Variants in ARK2N observed in about 807,000 individuals in gnomAD.
ARK2N encodes arkadia (RNF111) N-terminal like PKA signaling regulator 2N, also known as protein ARK2N.
the ARK2N span, among the ~76,000 whole-genome samples, chr18:46,247,400 C>T: frequency 6.6e-6 from 1 of 151,982 alleles, no homozygotes; most frequent in Non-Finnish European, 1.5e-5. Flanking sequence ...TAAATTAGAA[C>T]GATGGTTATA....
the ARK2N span, among the ~76,000 whole-genome samples, chr18:46,247,610 C>G: frequency 6.6e-6 from 1 of 152,188 alleles, no homozygotes; most frequent in Non-Finnish European, 1.5e-5. Flanking sequence ...ACAGGCTGAA[C>G]CCCTTACTGT....
At chr18:46,175,239 G>A in the ARK2N span, among the ~76,000 whole-genome samples, 3 of 150,586 alleles carry the variant, frequency 2.0e-5, no homozygotes, top group African/African-American at 7.3e-5. Context: ...TGGGTTTTTC[G>A]TTTTTTGCCT....
chr18:46,186,947 C>G, the ARK2N span, among the ~76,000 whole-genome samples: 1 of 151,622 alleles, frequency 6.6e-6, no homozygotes, highest in Non-Finnish European at 1.5e-5. Flanking sequence ...CTCTGCCTCC[C>G]GGATTCAAGT....
At chr18:46,177,915 T>A in the ARK2N span, among the ~76,000 whole-genome samples, 1 of 152,088 alleles carries the variant, frequency 6.6e-6, no homozygotes, top group African/African-American at 2.4e-5. Context: ...AAAATAATAA[T>A]TCATATGGAG....
At chr18:46,266,795 AT>A in the ARK2N span, 1 of 152,636 alleles carries the variant, frequency 6.6e-6, no homozygotes, top group African/African-American at 2.4e-5. Context: ...TTAAAACAAA[AT>A]TTGGTTCTTT....
chr18:46,239,803 C>A, the ARK2N span, among the ~76,000 whole-genome samples: 2 of 152,088 alleles, frequency 1.3e-5, no homozygotes, highest in Admixed American at 6.6e-5. Context: ...TTTCCTCCTT[C>A]CAAAATGTGT....
At chr18:46,228,974 G>C in the ARK2N span, 1 of 390,736 alleles carries the variant, frequency 2.6e-6, no homozygotes, top group East Asian at 3.7e-5. Flanking sequence ...AAAATTTTGA[G>C]GAAAGGAAGA....
At chr18:46,189,465 AT>A in the ARK2N span, among the ~76,000 whole-genome samples, 1 of 152,126 alleles carries the variant, frequency 6.6e-6, no homozygotes, top group Non-Finnish European at 1.5e-5. Flanking sequence ...TTTAAAAAAA[AT>A]TATTTAAAGA....
At chr18:46,253,003 G>T in the ARK2N span, among the ~76,000 whole-genome samples, 3 of 152,172 alleles carry the variant, frequency 2.0e-5, no homozygotes, top group African/African-American at 7.2e-5. Flanking sequence ...TTTCCAGAGT[G>T]TGTGGTTTGT....
At chr18:46,224,688 A>G in the ARK2N span, among the ~76,000 whole-genome samples, 1 of 152,266 alleles carries the variant, frequency 6.6e-6, no homozygotes, top group African/African-American at 2.4e-5. Flanking sequence ...CAGTCTGTGT[A>G]GTAACAGAAT....
the ARK2N span, among the ~76,000 whole-genome samples, chr18:46,176,457 CTTT>C: frequency 7.5e-6 from 1 of 133,412 alleles, no homozygotes; most frequent in African/African-American, 2.8e-5. Flanking sequence ...TGTGTGTGTG[CTTT>C]TTTTTTTTTT....
chr18:46,214,831 C>T, the ARK2N span, among the ~76,000 whole-genome samples: 2 of 152,272 alleles, frequency 1.3e-5, no homozygotes, highest in Middle Eastern at 3.4e-3. Flanking sequence ...AAACACTAGA[C>T]TCAAATTCAG....
At chr18:46,188,169 T>C in the ARK2N span, among the ~76,000 whole-genome samples, 1 of 152,268 alleles carries the variant, frequency 6.6e-6, no homozygotes, top group African/African-American at 2.4e-5. Flanking sequence ...AGAGTAACTG[T>C]CCACTTGTAC....
the ARK2N span, chr18:46,240,100 C>G: frequency 6.2e-7 from 1 of 1,614,142 alleles, no homozygotes; most frequent in Non-Finnish European, 8.5e-7. Flanking sequence ...TGCAGTAGTT[C>G]AAGAGCACAG....
the ARK2N span, among the ~76,000 whole-genome samples, chr18:46,180,614 G>A: frequency 2.0e-5 from 3 of 152,246 alleles, no homozygotes; most frequent in Admixed American, 2.0e-4. Flanking sequence ...GCTGAGGCAG[G>A]AGAATCTCTT....
chr18:46,191,434 A>G, the ARK2N span, among the ~76,000 whole-genome samples: 2 of 151,832 alleles, frequency 1.3e-5, no homozygotes, highest in African/African-American at 4.8e-5. Flanking sequence ...CTCATGCCTC[A>G]ACCTCCCAAG....
the ARK2N span, among the ~76,000 whole-genome samples, chr18:46,177,431 C>CTTTTTTTTTTTTTT: frequency 1.1e-5 from 1 of 89,328 alleles, no homozygotes; most frequent in Non-Finnish European, 2.3e-5. Context: ...TTTTTCTTTA[C>CTTTTTTTTTTTTTT]TTTTTTTTTT....
the ARK2N span, among the ~76,000 whole-genome samples, chr18:46,243,959 A>G: frequency 3.3e-5 from 5 of 152,316 alleles, no homozygotes; most frequent in South Asian, 1.0e-3. Context: ...CAGTCACTGG[A>G]TTTCTAATTA....
At chr18:46,223,251 A>G in the ARK2N span, among the ~76,000 whole-genome samples, 1 of 152,242 alleles carries the variant, frequency 6.6e-6, no homozygotes, top group African/African-American at 2.4e-5. Flanking sequence ...TAAGCTAAAC[A>G]TACTAACCTT....
Sources: gnomAD v4.1 joint callset for allele counts (sites outside exome capture counted in the v4.1 genomes callset) on GRCh38, gnomAD v4.1.1 for gene constraint, MANE v1.5 for transcripts, NCBI Gene and HGNC (gene_info 2026-07-23, HGNC 2026-07-21) for gene names.